The following ITIH2 variants were observed in gnomAD, a reference collection of about 807,000 sequenced individuals.
ITIH2 encodes the protein inter-alpha-trypsin inhibitor heavy chain H2.
Under a neutral mutation model 104.4 loss-of-function variants are expected in ITIH2, and 103 were observed. The ratio of observed to expected loss-of-function variants is 0.99; its 90% CI spans 0.84 to 1.16. The LOEUF (loss-of-function observed/expected upper bound fraction) is 1.16, where lower values mean the gene tolerates loss of function less well. Among genes scored for constraint, ITIH2 ranks in the 50% most tolerant of loss-of-function variants. The pLI, the probability that ITIH2 is intolerant of heterozygous loss-of-function variation, is 0.00. For missense variants in ITIH2, 1,108 were observed against 1,162.4 expected, an observed-to-expected ratio of 0.95 and a Z score of 0.68; for synonymous variants, 436 against 435.4, an observed-to-expected ratio of 1.00 and a Z score of -0.02.
chr10:7,725,370 T>G (rs1009441199), intron 9 of ITIH2, among the ~76,000 whole-genome samples: 1 of 152,042 alleles, frequency 6.6e-6, no homozygotes, highest in Non-Finnish European at 1.5e-5. Flanking sequence ...ATGCAACAGT[T>G]CTAAGTCGAA....
At chr10:7,724,585 AAAG>A (rs1588455447) in intron 9 of ITIH2, among the ~76,000 whole-genome samples, 1 of 149,270 alleles carries the variant, frequency 6.7e-6, no homozygotes. Context: ...AAAAAAAAAA[AAAG>A]AAGAGGAAGA....
At chr10:7,716,347 A>T (rs1834849557) in intron 5 of ITIH2, among the ~76,000 whole-genome samples, 1 of 152,192 alleles carries the variant, frequency 6.6e-6, no homozygotes, top group Non-Finnish European at 1.5e-5. Flanking sequence ...CAGCACTGAT[A>T]ATTCTGCTGT....
rs139331537 is a variant in ITIH2 at position 7,720,841 on chromosome 10, C to A, written c.631-15C>A. 537 of 1,488,242 alleles carry A rather than the reference C, an allele frequency of 3.6e-4. 5 individuals carry two copies. Among genetic ancestry groups the A allele is most frequent in the Non-Finnish European group, 4.0e-5 (43 of 1,067,770 alleles). 92.2% of individuals were successfully genotyped at this position (1,488,242 alleles called of 1,614,324 possible). A position where few individuals can be genotyped will look rare whatever the true frequency, so the allele number is the denominator to read the frequency against. ...GACTTTTAATGCTTTGGGTAATTTT[C>A]TCTTGCATCTCTAGGTAGATGTGTG... On this transcript the variant is annotated splice_polypyrimidine_tract_variant and intron_variant, in intron 6 of 20. Transcript: ENST00000358415.
chr10:7,730,187 C>A (rs1016834611), intron 12 of ITIH2, 54 bp downstream of exon 12: 2 of 1,305,306 alleles, frequency 1.5e-6, no homozygotes, highest in South Asian at 1.4e-5. Context: ...ATTTAACTAC[C>A]CATATCTGAT....
Position 7,731,831 on chromosome 10 carries a change from C to T in ITIH2, c.1482C>T (p.Ser494=). ...TGTAGAAATTCTACAACCAGGTCTC[C>T]ACTCCATTGCTCCGGAATGTTCAGT... ...SQLKKFYNQV[S]TPLLRNVQFN... Residue 494 remains serine, a synonymous_variant, in exon 13 of 21, where the codon TCC becomes TCT. Transcript: ENST00000358415. 8.1e-6 allele frequency: 13 copies of T among 1,609,412 alleles called. No individual in the cohort carries two copies. Among genetic ancestry groups the T allele is most frequent in the African/African-American group, 1.3e-5 (1 of 74,862 alleles).
rs17142934 is a variant in ITIH2, at chr10:7,712,487, G to A, written c.363-694G>A. Among the ~76,000 whole-genome samples the A allele has an allele frequency of 2.0e-3, 308 of 152,232 alleles. 4 individuals carry two copies. Among genetic ancestry groups the A allele is most frequent in the African/African-American group, 7.2e-3 (300 of 41,532 alleles). The stretch of plus-strand genomic sequence containing the variant: ...TTCTTAGCTCACAGAATGACCTGAT[G>A]AACCAGTAATGAGATAATTCGGAAT... On this transcript the variant is annotated intron_variant, in intron 4 of 20. Coordinates refer to ENST00000358415, the MANE Select transcript of ITIH2 (RefSeq NM_002216.3).
In ITIH2 at chr10:7,735,001, A is replaced by C; in HGVS notation, c.1867A>C (p.Thr623Pro). 6.2e-7 allele frequency: 1 copy of C among 1,613,830 alleles called. No homozygotes were observed. The highest frequency in any genetic ancestry group is 8.5e-7 in the Non-Finnish European group (1 of 1,180,016). Residue 623 changes from threonine to proline, a missense_variant, in exon 15 of 21, where the codon ACT becomes CCT. By Grantham distance (38) the Thr-to-Pro change is conservative (BLOSUM62 -1). Coordinates refer to ENST00000358415, the MANE Select transcript of ITIH2 (RefSeq NM_002216.3). ...LQMSLDHHIV[T>P]PLTSLVIENE... The stretch of plus-strand genomic sequence containing the variant: ...GATGTCTCTAGACCACCACATTGTG[A>C]CTCCGCTGACCTCGCTGGTGATCGA...
intron 5 of ITIH2, among the ~76,000 whole-genome samples, chr10:7,713,994 A>C (rs891201755): frequency 6.6e-6 from 1 of 151,952 alleles, no homozygotes; most frequent in Non-Finnish European, 1.5e-5. Context: ...GGGCTGCGAT[A>C]GGGTCTTCTT....
At chr10:7,712,292 A>C (rs1173785105) in intron 4 of ITIH2, among the ~76,000 whole-genome samples, 2 of 152,172 alleles carry the variant, frequency 1.3e-5, no homozygotes, top group African/African-American at 4.8e-5. Flanking sequence ...GAGATGAGAG[A>C]GCTCTTCGAA....
At chr10:7,744,056 A>T (rs1391118001) in intron 17 of ITIH2, 26 bp from the exon 18 acceptor site, 1 of 1,594,208 alleles carries the variant, frequency 6.3e-7, no homozygotes, top group Non-Finnish European at 8.6e-7. Flanking sequence ...ACAGAAGAGA[A>T]AACATCATTT....
chr10:7,739,384 A>T (rs1835102736), intron 16 of ITIH2, among the ~76,000 whole-genome samples: 1 of 152,144 alleles, frequency 6.6e-6, no homozygotes, highest in Non-Finnish European at 1.5e-5. Flanking sequence ...CTCTCCCTGA[A>T]GGAAGGTGCA....
intron 1 of ITIH2, among the ~76,000 whole-genome samples, chr10:7,704,021 A>G (rs553618880): frequency 6.6e-6 from 1 of 152,378 alleles, no homozygotes; most frequent in Admixed American, 6.5e-5. Context: ...GAGCACTTTA[A>G]GTATTCCTAT....
At chr10:7,724,833 T>C (rs1397095033) in intron 9 of ITIH2, among the ~76,000 whole-genome samples, 3 of 152,094 alleles carry the variant, frequency 2.0e-5, no homozygotes, top group African/African-American at 7.2e-5. Context: ...CAATCAAATA[T>C]AACGTCAGAC....
In ITIH2 at chr10:7,709,016, T is replaced by C. The variant is rs1265792893; in HGVS notation, c.193-6T>C. On this transcript the variant is annotated splice_polypyrimidine_tract_variant and splice_region_variant and intron_variant, in intron 3 of 20. Coordinates refer to ENST00000358415, the MANE Select transcript of ITIH2 (RefSeq NM_002216.3). ...CAGTACAGTTATGCTTTCTTGCCAA[T>C]TTCAGGAAGAGGTTGATCAAGTAAC... is the stretch of plus-strand genomic sequence containing the variant. The C allele has an allele frequency of 6.2e-7, 1 of 1,613,094 alleles. No individual in the cohort carries two copies. The highest frequency in any genetic ancestry group is 1.1e-5 in the South Asian group (1 of 91,048).
chr10:7,704,058 G>T (rs1834722652), intron 1 of ITIH2, among the ~76,000 whole-genome samples: 1 of 152,202 alleles, frequency 6.6e-6, no homozygotes, highest in African/African-American at 2.4e-5. Context: ...AGGCAGGGTG[G>T]AAAAGTACAA....
At chr10:7,714,240 C>T (rs1834825570) in intron 5 of ITIH2, among the ~76,000 whole-genome samples, 1 of 141,944 alleles carries the variant, frequency 7.0e-6, no homozygotes, top group South Asian at 2.2e-4. Context: ...GGTGCGATCT[C>T]GGCTCACTGC....
At chr10:7,734,005 T>C (rs1170301280) in intron 14 of ITIH2, among the ~76,000 whole-genome samples, 1 of 151,884 alleles carries the variant, frequency 6.6e-6, no homozygotes, top group Non-Finnish European at 1.5e-5. Context: ...AGTTAAATAT[T>C]GATTTTAAAA....
At position 7,738,672 on chromosome 10, in the gene ITIH2, C is replaced by T; in HGVS notation, c.2009C>T (p.Ala670Val). 1 of 1,613,832 alleles carries T rather than the reference C, an allele frequency of 6.2e-7. No homozygotes were observed. Among genetic ancestry groups the T allele is most frequent in the Non-Finnish European group, 8.5e-7 (1 of 1,179,872 alleles). ...KVVPDSTPSWANPSPTPVISM... is the reference protein window; with the variant it reads ...KVVPDSTPSWVNPSPTPVISM... ...GTTCCAGATTCCACCCCGTCTTGGGCCAATCCTTCACCAACGCCCGTGATC... is the reference window on the plus strand; with the variant it reads ...GTTCCAGATTCCACCCCGTCTTGGGTCAATCCTTCACCAACGCCCGTGATC... Residue 670 changes from alanine (A) to valine (V), a missense_variant, in exon 16 of 21, where the codon GCC becomes GTC. Coordinates refer to ENST00000358415, the MANE Select transcript of ITIH2 (RefSeq NM_002216.3).
chr10:7,709,563 GA>G (rs1283432660), intron 4 of ITIH2, among the ~76,000 whole-genome samples: 16 of 146,268 alleles, frequency 1.1e-4, no homozygotes, highest in Admixed American at 2.7e-4. Context: ...TTCTCTATGG[GA>G]AAAAAAAAAC....
Sources: allele counts gnomAD v4.1 joint callset (sites outside exome capture counted in the v4.1 genomes callset), GRCh38; gene constraint gnomAD v4.1.1; transcripts MANE v1.5; gene names NCBI Gene and HGNC (gene_info 2026-07-23, HGNC 2026-07-21).